CCDC18: variants seen among roughly 807,000 people sequenced by gnomAD.
The protein encoded by CCDC18 is coiled-coil domain-containing protein 18.
CCDC18 carries 157 observed loss-of-function variants against 196.0 expected under a neutral mutation model. The ratio of observed to expected loss-of-function variants is 0.80; its 90% CI spans 0.70 to 0.91. CCDC18 has a LOEUF of 0.91. Ranked by LOEUF, CCDC18 falls within the 40% of genes least tolerant of loss-of-function variation. CCDC18 has a pLI of 0.00. For missense variants in CCDC18, 1,465 were observed against 1,611.6 expected (o/e 0.91, Z 1.56); for synonymous variants, 482 against 529.2 (o/e 0.91, Z 1.22).
chr1:93,191,898 G>T, intron 4 of CCDC18, 102 bp from the exon 5 acceptor site: 1 of 688,592 alleles, frequency 1.5e-6, no homozygotes, highest in East Asian at 2.6e-5. Flanking sequence ...CCAATGATTT[G>T]GGAGCCCTAT....
At chr1:93,224,276 G>A (rs1047946962) in intron 16 of CCDC18, among the ~76,000 whole-genome samples, 1 of 152,124 alleles carries the variant, frequency 6.6e-6, no homozygotes, top group African/African-American at 2.4e-5. Context: ...CCGCCTGAGA[G>A]AAGGTACGGA....
intron 18 of CCDC18, among the ~76,000 whole-genome samples, chr1:93,235,992 G>T (rs1660023477): frequency 1.3e-5 from 2 of 152,110 alleles, no homozygotes; most frequent in African/African-American, 4.8e-5. Context: ...ATGAAAAGGG[G>T]AATATTTACT....
intron 14 of CCDC18, among the ~76,000 whole-genome samples, chr1:93,218,362 A>G (rs1656838650): frequency 1.3e-5 from 2 of 152,234 alleles, no homozygotes; most frequent in African/African-American, 2.4e-5. Context: ...CATACCTATT[A>G]TAAAGCTTAA....
intron 14 of CCDC18, among the ~76,000 whole-genome samples, chr1:93,220,830 T>C (rs1657315953): frequency 6.6e-6 from 1 of 152,154 alleles, no homozygotes; most frequent in South Asian, 2.1e-4. Flanking sequence ...TCCCCATGTC[T>C]TCGTGTGTTC....
At chr1:93,197,677 A>G (rs1652960747) in intron 6 of CCDC18, among the ~76,000 whole-genome samples, 1 of 151,776 alleles carries the variant, frequency 6.6e-6, no homozygotes, top group African/African-American at 2.4e-5. Flanking sequence ...ACTAAAATGG[A>G]AAAGACTCTC....
Position 93,246,916 on chromosome 1 carries a change from G to A in CCDC18, c.3160G>A (p.Glu1054Lys). The change falls in exon 23 of 29, where the codon GAG becomes AAG. Residue 1054 changes from glutamate to lysine, a missense_variant. Glu to Lys is a moderately conservative substitution (Grantham distance 56). Transcript: ENST00000690025. ...AATAATTAAATTAGAAGGTACTCTG[G>A]AGAAATCAGAATTGGAACTTAAAGA... ...QKIIKLEGTL[E>K]KSELELKECN... 6.7e-7 allele frequency: 1 copy of A among 1,483,518 alleles called. No individual in the cohort carries two copies. Among genetic ancestry groups the A allele is most frequent in the Non-Finnish European group, 9.3e-7 (1 of 1,080,888 alleles). 91.9% of individuals were successfully genotyped at this position (1,483,518 alleles called of 1,614,324 possible).
rs1259757402 is a variant in CCDC18, at chr1:93,270,503, T to C, written c.4042T>C (p.Cys1348Arg). ...ATGTTTTCACACATCTTTTTCCAAG[T>C]GTACAAAATTACGTCGCTCTATTAG... Reference protein sequence around the residue: ...AKCFHTSFSKCTKLRRSISAS... With the variant: ...AKCFHTSFSKRTKLRRSISAS... The change falls in exon 28 of 29, where the codon TGT becomes CGT. Residue 1348 changes from cysteine to arginine, a missense_variant. Physicochemically the swap from Cys to Arg is radical, Grantham distance 180. Coordinates refer to ENST00000690025, the MANE Select transcript of CCDC18 (RefSeq NM_001378204.1). The C allele has an allele frequency of 1.3e-6, 2 of 1,550,420 alleles. No homozygotes were observed. The highest frequency in any genetic ancestry group is 4.9e-5 in the East Asian group (2 of 40,876).
Position 93,221,852 on chromosome 1 carries a change from T to G in CCDC18, c.2098-7T>G. ...CTGCATACTTATACTTTTCTTACTGTTTTTAGGAAATGAAAAAGGAAAATA... is the reference window on the plus strand; with the variant it reads ...CTGCATACTTATACTTTTCTTACTGGTTTTAGGAAATGAAAAAGGAAAATA... On this transcript the variant is annotated splice_region_variant and splice_polypyrimidine_tract_variant and intron_variant, in intron 15 of 28. Coordinates refer to ENST00000690025, the MANE Select transcript of CCDC18 (RefSeq NM_001378204.1). 2 of 1,593,646 alleles carry G rather than the reference T, an allele frequency of 1.3e-6. No individual in the cohort carries two copies. Among genetic ancestry groups the G allele is most frequent in the Non-Finnish European group, 1.7e-6 (2 of 1,168,284 alleles).
chr1:93,268,818 A>G (rs959736193), intron 27 of CCDC18, among the ~76,000 whole-genome samples: 2 of 151,896 alleles, frequency 1.3e-5, no homozygotes, highest in Admixed American at 6.6e-5. Flanking sequence ...ACACTTTTAC[A>G]CTGTTGGTGG....
intron 6 of CCDC18, among the ~76,000 whole-genome samples, chr1:93,198,928 T>C (rs1653282984): frequency 6.6e-6 from 1 of 152,242 alleles, no homozygotes; most frequent in African/African-American, 2.4e-5. Context: ...ATTATAGGCA[T>C]GAGCCACTGT....
chr1:93,272,277 T>C (rs1269621917), intron 28 of CCDC18, among the ~76,000 whole-genome samples: 1 of 152,250 alleles, frequency 6.6e-6, no homozygotes, highest in African/African-American at 2.4e-5. Flanking sequence ...CGCTTATTTC[T>C]ATATTTCTAG....
chr1:93,224,543 A>G (rs1474445170), intron 16 of CCDC18, among the ~76,000 whole-genome samples: 1 of 152,206 alleles, frequency 6.6e-6, no homozygotes, highest in African/African-American at 2.4e-5. Context: ...CATGCCCCAG[A>G]CCTGATTCAC....
At chr1:93,225,693 C>G (rs577171497) in intron 16 of CCDC18, among the ~76,000 whole-genome samples, 1 of 151,792 alleles carries the variant, frequency 6.6e-6, no homozygotes, top group Non-Finnish European at 1.5e-5. Context: ...AGGAGAATTG[C>G]TTGAACCTGG....
chr1:93,226,170 T>G (rs746342732), intron 16 of CCDC18, among the ~76,000 whole-genome samples, 163 bp from the exon 17 acceptor site: 1 of 152,126 alleles, frequency 6.6e-6, no homozygotes, highest in Non-Finnish European at 1.5e-5. Flanking sequence ...CAATGAAGAA[T>G]TAGTTTACTC....
At chr1:93,264,289 A>C (rs1430799675) in intron 26 of CCDC18, among the ~76,000 whole-genome samples, 1 of 152,220 alleles carries the variant, frequency 6.6e-6, no homozygotes, top group Non-Finnish European at 1.5e-5. Context: ...ATACGGAGCC[A>C]AACTGTAACA....
At chr1:93,190,887 T>C in intron 4 of CCDC18, 1 of 735,014 alleles carries the variant, frequency 1.4e-6, no homozygotes, top group Non-Finnish European at 2.5e-6. Context: ...TTTCAGCCTT[T>C]TTCTGGAAAA....
chr1:93,265,855 A>G (rs2101377813), intron 27 of CCDC18, among the ~76,000 whole-genome samples: 1 of 152,312 alleles, frequency 6.6e-6, no homozygotes, highest in Non-Finnish European at 1.5e-5. Flanking sequence ...GGAGACTTTA[A>G]CACCCCACTG....
rs759186009 is a variant in CCDC18 at position 93,234,934 on chromosome 1, A to AGTGTGTGTGTGTGTGTGT, written c.2461-1313_2461-1312insTGTGTGTGTGTGTGTGTG. 9.8e-3 allele frequency among the ~76,000 whole-genome samples: 663 copies of AGTGTGTGTGTGTGTGTGT among 67,810 alleles called. 19 individuals carry two copies. The highest frequency in any genetic ancestry group is 0.042 in the East Asian group (134 of 3,180). The allele number at this position is 67,810 out of a possible 152,430, so 44.5% of individuals were successfully genotyped here. A position where few individuals can be genotyped will look rare whatever the true frequency, so the allele number is the denominator to read the frequency against. On this transcript the variant is annotated intron_variant, in intron 18 of 28. Transcript: ENST00000690025. ...AAGTGCATACCACCATGCCCAGCTA[A>AGTGTGTGTGTGTGTGTGT]GAGTGTGTGTGTGTGTGTGTGTGTG... is the stretch of plus-strand genomic sequence containing the variant.
At chr1:93,256,284 G>T (rs1307776814) in intron 24 of CCDC18, 51 bp from the exon 25 acceptor site, 1 of 1,496,918 alleles carries the variant, frequency 6.7e-7, no homozygotes, top group East Asian at 2.3e-5. Flanking sequence ...ATAAGAAATA[G>T]GTTATCTATA....
Sources: gnomAD v4.1 joint callset for allele counts (sites outside exome capture counted in the v4.1 genomes callset) on GRCh38, gnomAD v4.1.1 for gene constraint, MANE v1.5 for transcripts, NCBI Gene and HGNC (gene_info 2026-07-23, HGNC 2026-07-21) for gene names.